The following SIKE1 variants were observed in gnomAD, a reference collection of about 807,000 sequenced individuals.
SIKE1 encodes the protein suppressor of IKBKE 1, also known as suppressor of IKK epsilon.
SIKE1 carries 13 observed loss-of-function variants against 25.8 expected under a neutral mutation model. The observed-to-expected ratio is 0.50, with a 90% confidence interval of 0.33 to 0.80. SIKE1 has a LOEUF of 0.80. Ranked by LOEUF, SIKE1 falls within the 30% of genes least tolerant of loss-of-function variation. The pLI is 0.02. For missense variants in SIKE1, 222 were observed against 252.4 expected (o/e 0.88, Z 0.82); for synonymous variants, 86 against 95.5 (o/e 0.90, Z 0.58).
chr1:114,774,396 T>C (rs1398095908), intron 4 of SIKE1, 24 bp from the exon 5 acceptor site: 1 of 1,538,592 alleles, frequency 6.5e-7, no homozygotes, highest in African/African-American at 1.4e-5. Flanking sequence ...GGCATGTTTA[T>C]TTCTGGTATT....
Position 114,770,452 on chromosome 1 carries a change from T to A in SIKE1, c.*3819A>T, listed in dbSNP as rs1662038493. 6.6e-6 allele frequency: 1 copy of A among 152,238 alleles called. No individual in the cohort carries two copies. Among genetic ancestry groups the A allele is most frequent in the Non-Finnish European group, 1.5e-5 (1 of 68,048 alleles). The allele number at this position is 152,238 out of a possible 1,614,324, so 9.4% of individuals were successfully genotyped here. A position where few individuals can be genotyped will look rare whatever the true frequency, so the allele number is the denominator to read the frequency against. On this transcript the variant is annotated 3_prime_UTR_variant, in exon 5 of 5. Coordinates refer to ENST00000060969, the MANE Select transcript of SIKE1 (RefSeq NM_025073.3). ...TTATCGCTAACTAAATCACTTTTGC[T>A]GTACCTCTGTGGAGATGAATGCAGT...
rs1458845906 is a variant in SIKE1 at position 114,773,564 on chromosome 1, G to A, written c.*707C>T. Reference sequence around the variant, plus strand: ...GTATTTGAACTAAGTGCACATGTGTGCATTCACATACACAGGACAAGCTCC... The same window carrying A: ...GTATTTGAACTAAGTGCACATGTGTACATTCACATACACAGGACAAGCTCC... On this transcript the variant is annotated 3_prime_UTR_variant, in exon 5 of 5. Transcript: ENST00000060969. 1 of 152,506 alleles carries A rather than the reference G, an allele frequency of 6.6e-6. No individual in the cohort carries two copies. The highest frequency in any genetic ancestry group is 1.5e-5 in the Non-Finnish European group (1 of 68,026). The allele number at this position is 152,506 out of a possible 1,614,324, so 9.4% of individuals were successfully genotyped here.
intron 3 of SIKE1, 180 bp downstream of exon 3, chr1:114,778,962 T>C (rs1662327129): frequency 1.5e-6 from 1 of 650,142 alleles, no homozygotes; most frequent in African/African-American, 1.8e-5. Flanking sequence ...GAGGCAGAGG[T>C]GAGACGATGG....
chr1:114,779,027 G>A (rs1047468799), intron 3 of SIKE1, 115 bp downstream of exon 3: 20 of 1,277,588 alleles, frequency 1.6e-5, no homozygotes, highest in East Asian at 4.7e-5. Context: ...ATTACACCAC[G>A]GCCTGGTCGA....
Position 114,772,724 on chromosome 1 carries a change from G to C in SIKE1, c.*1547C>G, listed in dbSNP as rs891573924. 1 of 152,184 alleles carries C rather than the reference G, an allele frequency of 6.6e-6. No homozygotes were observed. Among genetic ancestry groups the C allele is most frequent in the African/African-American group, 2.4e-5 (1 of 41,514 alleles). The allele number at this position is 152,184 out of a possible 1,614,324, so 9.4% of individuals were successfully genotyped here. On this transcript the variant is annotated 3_prime_UTR_variant, in exon 5 of 5. Coordinates refer to ENST00000060969, the MANE Select transcript of SIKE1 (RefSeq NM_025073.3). The stretch of plus-strand genomic sequence containing the variant: ...TTCGAGGCAGATGGCTGGGCTAATA[G>C]TTACTTACTTACTCTTGGGAAATGA...
In SIKE1 at chr1:114,779,259, G is replaced by C. The variant is rs776850871; in HGVS notation, c.291C>G (p.His97Gln). The change falls in exon 3 of 5, where the codon CAC (histidine) becomes CAG (glutamine). Residue 97 changes from histidine to glutamine, a missense_variant. His to Gln is a conservative substitution (Grantham distance 24). Coordinates refer to ENST00000060969, the MANE Select transcript of SIKE1 (RefSeq NM_025073.3). ...NRELWISLEEHQDALELIMSK... is the reference protein window; with the variant it reads ...NRELWISLEEQQDALELIMSK... The stretch of plus-strand genomic sequence containing the variant: ...TCATGATAAGTTCCAAAGCATCCTG[G>C]TGTTCCTCCAAGGAAATCCATAGCT... 6.2e-7 allele frequency: 1 copy of C among 1,614,170 alleles called. No homozygotes were observed. Among genetic ancestry groups the C allele is most frequent in the Non-Finnish European group, 8.5e-7 (1 of 1,180,028 alleles).
chr1:114,779,272 G>T lies in SIKE1; in HGVS notation c.278C>A (p.Ser93Tyr), dbSNP rs1662337456. Residue 93 changes from serine to tyrosine, a missense_variant, in exon 3 of 5, where the codon TCC becomes TAC. Physicochemically the swap from Ser to Tyr is moderately radical, Grantham distance 144. Transcript: ENST00000060969. Reference protein sequence around the residue: ...LQQENRELWISLEEHQDALEL... With the variant: ...LQQENRELWIYLEEHQDALEL... ...CAAAGCATCCTGGTGTTCCTCCAAG[G>T]AAATCCATAGCTCTGTCAAAAAATA... The T allele has an allele frequency of 6.2e-7, 1 of 1,613,970 alleles. No individual in the cohort carries two copies. The highest frequency in any genetic ancestry group is 1.1e-5 in the South Asian group (1 of 91,066).
At position 114,773,617 on chromosome 1, in the gene SIKE1, C is replaced by A. The variant is rs1390893592; in HGVS notation, c.*654G>T. The A allele has an allele frequency of 2.6e-5, 4 of 152,614 alleles. 1 individual carries two copies. Among genetic ancestry groups the A allele is most frequent in the Non-Finnish European group, 2.9e-5 (2 of 68,014 alleles). The allele number at this position is 152,614 out of a possible 1,614,324, so 9.5% of individuals were successfully genotyped here. A position where few individuals can be genotyped will look rare whatever the true frequency, so the allele number is the denominator to read the frequency against. On this transcript the variant is annotated 3_prime_UTR_variant, in exon 5 of 5. Coordinates refer to ENST00000060969, the MANE Select transcript of SIKE1 (RefSeq NM_025073.3). ...AGCTTTGAACAATATGAACTTTGGA[C>A]AATATGACAACTATAGCATCACTGG...
At position 114,780,642 on chromosome 1, in the gene SIKE1, G is replaced by T; in HGVS notation, c.-35C>A. 1 of 1,545,590 alleles carries T rather than the reference G, an allele frequency of 6.5e-7. No individual in the cohort carries two copies. The highest frequency in any genetic ancestry group is 8.8e-7 in the Non-Finnish European group (1 of 1,134,930). Reference sequence around the variant, plus strand: ...ACCACCCCAGCCCCTGCCGGGCTCAGCTACGCGACTCGCTCAGATCTTCTG... The same window carrying T: ...ACCACCCCAGCCCCTGCCGGGCTCATCTACGCGACTCGCTCAGATCTTCTG... On this transcript the variant is annotated 5_prime_UTR_variant, in exon 1 of 5. It adds an upstream start codon to the 5' untranslated region. Transcript: ENST00000060969.
chr1:114,777,586 G>GTA (rs1317898713), intron 3 of SIKE1, among the ~76,000 whole-genome samples: 1 of 152,136 alleles, frequency 6.6e-6, no homozygotes, highest in Non-Finnish European at 1.5e-5. Context: ...TCTGATGGCT[G>GTA]TAATTGCAGA....
chr1:114,780,634 C>T lies in SIKE1; in HGVS notation c.-27G>A, dbSNP rs762697814. Reference sequence around the variant, plus strand: ...GCAGCAGCACCACCCCAGCCCCTGCCGGGCTCAGCTACGCGACTCGCTCAG... The same window carrying T: ...GCAGCAGCACCACCCCAGCCCCTGCTGGGCTCAGCTACGCGACTCGCTCAG... On this transcript the variant is annotated 5_prime_UTR_variant, in exon 1 of 5. Transcript: ENST00000060969. The T allele has an allele frequency of 6.4e-7, 1 of 1,572,042 alleles. No homozygotes were observed. Among genetic ancestry groups the T allele is most frequent in the Non-Finnish European group, 8.7e-7 (1 of 1,152,492 alleles).
chr1:114,780,645 A>C lies in SIKE1; in HGVS notation c.-38T>G, dbSNP rs2101137258. The C allele has an allele frequency of 6.5e-7, 1 of 1,533,418 alleles. No homozygotes were observed. Among genetic ancestry groups the C allele is most frequent in the South Asian group, 1.2e-5 (1 of 86,384 alleles). The allele number at this position is 1,533,418 out of a possible 1,614,324, so 95.0% of individuals were successfully genotyped here. On this transcript the variant is annotated 5_prime_UTR_variant, in exon 1 of 5. An upstream open reading frame in the 5' UTR loses its in-frame stop. Transcript: ENST00000060969. ...ACCCCAGCCCCTGCCGGGCTCAGCT[A>C]CGCGACTCGCTCAGATCTTCTGGGA...
chr1:114,776,384 G>A lies in SIKE1; in HGVS notation c.484C>T (p.Gln162Ter), dbSNP rs774578994. ...AATTTTTCCTGAATCTTACAAAACT[G>A]GTCATCATCCACCTGAACTGCTTTC... is the stretch of plus-strand genomic sequence containing the variant. ...MRKAVQVDDD[Q>*]FCKIQEKLAQ... Residue 162 changes from glutamine to a stop codon, truncating the protein, a stop_gained, in exon 4 of 5, where the codon CAG becomes TAG. Coordinates refer to ENST00000060969, the MANE Select transcript of SIKE1 (RefSeq NM_025073.3). LOFTEE classifies it high-confidence loss of function. 3 of 1,613,304 alleles carry A rather than the reference G, an allele frequency of 1.9e-6. No individual in the cohort carries two copies. The highest frequency in any genetic ancestry group is 1.7e-6 in the Non-Finnish European group (2 of 1,179,554).
chr1:114,779,319 TGA>T (rs1450728645), intron 2 of SIKE1, 35 bp from the exon 3 acceptor site: 1 of 1,602,540 alleles, frequency 6.2e-7, no homozygotes, highest in South Asian at 1.1e-5. Context: ...CAGTGATGTC[TGA>T]GAGACAGTTC....
Position 114,780,457 on chromosome 1 carries a change from G to C in SIKE1, c.151C>G (p.Pro51Ala). ...CCTACCCTCTGCCTGACCTGGTCCG[G>C]AAGCGCTGTCCCCGCCTCCCGCATA... Reference protein sequence around the residue: ...AAMREAGTALPDQYQEDASDM... With the variant: ...AAMREAGTALADQYQEDASDM... Residue 51 changes from proline (P) to alanine (A), a missense_variant, in exon 1 of 5, where the codon CCG becomes GCG. By Grantham distance (27) the Pro-to-Ala change is conservative. Transcript: ENST00000060969. 6.2e-7 allele frequency: 1 copy of C among 1,612,898 alleles called. No homozygotes were observed. Among genetic ancestry groups the C allele is most frequent in the Non-Finnish European group, 8.5e-7 (1 of 1,180,014 alleles).
At chr1:114,778,996 G>T in intron 3 of SIKE1, 146 bp downstream of exon 3, 1 of 892,554 alleles carries the variant, frequency 1.1e-6, no homozygotes, top group Non-Finnish European at 1.7e-6. Flanking sequence ...GGCAGAGGTT[G>T]CAGTGAGCCG....
chr1:114,774,475 TA>T, intron 4 of SIKE1, 103 bp from the exon 5 acceptor site: 1 of 774,042 alleles, frequency 1.3e-6, no homozygotes, highest in Non-Finnish European at 2.0e-6. Context: ...ATTTTAATTT[TA>T]AAAAATTTAT....
chr1:114,777,785 C>T (rs1662287774), intron 3 of SIKE1, among the ~76,000 whole-genome samples: 1 of 151,782 alleles, frequency 6.6e-6, no homozygotes, highest in Non-Finnish European at 1.5e-5. Context: ...TGCATCAATC[C>T]CCCAGTAGGT....
intron 3 of SIKE1, among the ~76,000 whole-genome samples, chr1:114,778,678 T>G (rs918197639): frequency 6.6e-6 from 1 of 151,956 alleles, no homozygotes; most frequent in Admixed American, 6.5e-5. Flanking sequence ...CATGGCAAAA[T>G]AAACAACAAA....
Sources: gnomAD v4.1 joint callset for allele counts (sites outside exome capture counted in the v4.1 genomes callset) on GRCh38, gnomAD v4.1.1 for gene constraint, MANE v1.5 for transcripts, NCBI Gene and HGNC (gene_info 2026-07-23, HGNC 2026-07-21) for gene names.